ZNF462: variants seen among roughly 807,000 people sequenced by gnomAD.
ZNF462 encodes the protein zinc finger PBX1-interacting protein.
ZNF462 carries 10 observed loss-of-function variants against 201.9 expected under a neutral mutation model. The ratio of observed to expected loss-of-function variants is 0.05; its 90% confidence interval spans 0.03 to 0.08. ZNF462 has a LOEUF of 0.08. Ranked by LOEUF, ZNF462 falls within the 10% of genes least tolerant of loss-of-function variation. ZNF462 has a pLI of 1.00. For missense variants in ZNF462, 2,523 were observed against 3,168.3 expected (o/e 0.80, Z 4.89); for synonymous variants, 1,227 against 1,193.3 (o/e 1.03, Z -0.58).
chr9:106,966,152 A>C lies in ZNF462; in HGVS notation c.6428-5853A>C, dbSNP rs1282074187. On this transcript the variant is annotated intron_variant, in intron 7 of 12. Transcript: ENST00000277225. The surrounding 1 kb of genome is among the most constrained non-coding windows in gnomAD (Gnocchi z 4.4). ...GCTAAATAGTCTGCTTTTCAGAAGA[A>C]AATTACAATCCATGTATTATTTTGA... is the stretch of plus-strand genomic sequence containing the variant. 1.3e-5 allele frequency among the ~76,000 whole-genome samples: 2 copies of C among 152,104 alleles called. No individual in the cohort carries two copies. Among genetic ancestry groups the C allele is most frequent in the Non-Finnish European group, 2.9e-5 (2 of 67,998 alleles).
In ZNF462 at chr9:106,913,980, A is replaced by G. The variant is rs1829660521; in HGVS notation, c.-30-9374A>G. ...ATCAACTGTGCAAAGGTGGATACAA[A>G]GGCCGTATCACTAGGAAAGACAGAC... On this transcript the variant is annotated intron_variant, in intron 1 of 12. Coordinates refer to ENST00000277225, the MANE Select transcript of ZNF462 (RefSeq NM_021224.6). The surrounding 1 kb of genome is among the most constrained non-coding windows in gnomAD (Gnocchi z 4.1). Among the ~76,000 whole-genome samples, 1 of 150,168 alleles carries G rather than the reference A, an allele frequency of 6.7e-6. No individual in the cohort carries two copies. The highest frequency in any genetic ancestry group is 2.4e-5 in the African/African-American group (1 of 41,178).
chr9:106,989,704 T>C (rs891876962), intron 10 of ZNF462, among the ~76,000 whole-genome samples: 6 of 152,120 alleles, frequency 3.9e-5, no homozygotes, highest in Admixed American at 2.6e-4. Context: ...TAAATTACCA[T>C]TTCAATCTCG....
At chr9:106,987,028 GATAGA>G (rs1564154241) in intron 10 of ZNF462, among the ~76,000 whole-genome samples, 40 of 145,714 alleles carry the variant, frequency 2.7e-4, no homozygotes, top group African/African-American at 9.9e-4. Context: ...TAGATAGATA[GATAGA>G]TAGATATCAC....
At chr9:106,861,698 C>T (rs886930564), upstream of ZNF462, among the ~76,000 whole-genome samples, 4 of 152,216 alleles carry the variant, frequency 2.6e-5, no homozygotes, top group Admixed American at 2.6e-4. Flanking sequence ...CCCCAACCCC[C>T]ACCGCTCCCA....
intron 1 of ZNF462, among the ~76,000 whole-genome samples, chr9:106,871,572 AT>A (rs1180933382): frequency 6.6e-6 from 1 of 152,220 alleles, no homozygotes; most frequent in Non-Finnish European, 1.5e-5. Flanking sequence ...AGACCTTGTA[AT>A]TTGGTACCTA....
intron 9 of ZNF462, among the ~76,000 whole-genome samples, chr9:106,980,875 C>T (rs1328471316): frequency 6.6e-6 from 1 of 152,138 alleles, no homozygotes; most frequent in Non-Finnish European, 1.5e-5. Context: ...TGTCACTGCC[C>T]CCATAGAAAA....
rs1316097736 is a variant in ZNF462, at chr9:107,011,485, A to AAAAAAAC, written c.*471_*477dup. 2 of 151,584 alleles carry AAAAAAAC rather than the reference A, an allele frequency of 1.3e-5. No homozygotes were observed. Among genetic ancestry groups the AAAAAAAC allele is most frequent in the Non-Finnish European group, 2.9e-5 (2 of 68,588 alleles). 9.4% of individuals were successfully genotyped at this position (151,584 alleles called of 1,614,324 possible). On this transcript the variant is annotated 3_prime_UTR_variant, in exon 13 of 13. Transcript: ENST00000277225. This position sits in a 1 kb window ranked among gnomAD's most constrained non-coding sequence, Gnocchi z 5.6. ...GACCTAACTGCAGCCGCTTTGGGAA[A>AAAAAAAC]AAAAAACAAAAAACAAAAAACAGAA... is the stretch of plus-strand genomic sequence containing the variant.
chr9:106,867,017 A>G (rs2130788320), intron 1 of ZNF462, among the ~76,000 whole-genome samples: 1 of 152,300 alleles, frequency 6.6e-6, no homozygotes, highest in South Asian at 2.1e-4. Context: ...TTGACTCTCC[A>G]CATTTTTTAC....
In ZNF462 at chr9:107,005,428, A is replaced by G. The variant is rs1049814727; in HGVS notation, c.7189+2002A>G. Among the ~76,000 whole-genome samples, 3 of 152,154 alleles carry G rather than the reference A, an allele frequency of 2.0e-5. No homozygotes were observed. Among genetic ancestry groups the G allele is most frequent in the South Asian group, 4.1e-4 (2 of 4,830 alleles). Reference sequence around the variant, plus strand: ...CGTAACAGGTGTGAAGTGATAGCTCATTGTGGTTTAATTTGCATTTCCCTG... The same window carrying G: ...CGTAACAGGTGTGAAGTGATAGCTCGTTGTGGTTTAATTTGCATTTCCCTG... On this transcript the variant is annotated intron_variant, in intron 11 of 12. Transcript: ENST00000277225. This position sits in a 1 kb window ranked among gnomAD's most constrained non-coding sequence, Gnocchi z 4.4.
At position 106,887,013 on chromosome 9, in the gene ZNF462, A is replaced by G. The variant is rs117586014; in HGVS notation, c.-31+23658A>G. Among the ~76,000 whole-genome samples the G allele has an allele frequency of 2.9e-3, 438 of 152,262 alleles. 1 individual carries two copies. Among genetic ancestry groups the G allele is most frequent in the Non-Finnish European group, 4.5e-3 (307 of 68,006 alleles). ...TTACAGCCTTACTCTTTACCAAAAC[A>G]CTTTCTCCCTTGGTGTTCATGAAGA... is the stretch of plus-strand genomic sequence containing the variant. On this transcript the variant is annotated intron_variant, in intron 1 of 12. Transcript: ENST00000277225.
rs1427294358 is a variant in ZNF462 at position 107,003,993 on chromosome 9, C to T, written c.7189+567C>T. Among the ~76,000 whole-genome samples the T allele has an allele frequency of 2.0e-5, 3 of 152,196 alleles. No homozygotes were observed. In the East Asian group the frequency reaches 5.8e-4, roughly 29 times the overall value. ...TTCAACTATGTATTTACAGAATACA[C>T]TGGGGAAGGTTTTGTGGGACTTTGG... On this transcript the variant is annotated intron_variant, in intron 11 of 12. Transcript: ENST00000277225. This position sits in a 1 kb window ranked among gnomAD's most constrained non-coding sequence, Gnocchi z 4.4.
At chr9:106,931,186 G>A (rs1830408855) in intron 4 of ZNF462, 1 of 153,576 alleles carries the variant, frequency 6.5e-6, no homozygotes, top group South Asian at 2.0e-4. Flanking sequence ...AAAACTAAAA[G>A]CGTTCAAGTC....
Position 106,928,252 on chromosome 9 carries a change from A to T in ZNF462, c.4340A>T (p.Asp1447Val), listed in dbSNP as rs746886161. 7 of 1,613,896 alleles carry T rather than the reference A, an allele frequency of 4.3e-6. No homozygotes were observed. In the African/African-American group the frequency reaches 9.4e-5, roughly 22 times the overall value. ...FPEQEAECPE[D>V]ARLSPEKSLQ... Reference sequence around the variant, plus strand: ...GAGCAGGAAGCTGAATGTCCAGAGGATGCAAGACTGTCCCCTGAGAAAAGC... The same window carrying T: ...GAGCAGGAAGCTGAATGTCCAGAGGTTGCAAGACTGTCCCCTGAGAAAAGC... Residue 1447 changes from aspartate to valine, a missense_variant, in exon 3 of 13, where the codon GAT (aspartate) becomes GTT (valine). Coordinates refer to ENST00000277225, the MANE Select transcript of ZNF462 (RefSeq NM_021224.6). The surrounding 1 kb of genome is among the most constrained non-coding windows in gnomAD (Gnocchi z 9.3).
At chr9:107,004,770 T>C (rs1004640553) in intron 11 of ZNF462, among the ~76,000 whole-genome samples, 1 of 152,150 alleles carries the variant, frequency 6.6e-6, no homozygotes, top group Admixed American at 6.6e-5. Context: ...AGGTATACAA[T>C]ATGTTGTTAT....
Position 106,876,818 on chromosome 9 carries a change from T to C in ZNF462, c.-31+13463T>C, listed in dbSNP as rs143349573. On this transcript the variant is annotated intron_variant, in intron 1 of 12. Coordinates refer to ENST00000277225, the MANE Select transcript of ZNF462 (RefSeq NM_021224.6). The surrounding 1 kb of genome is among the most constrained non-coding windows in gnomAD (Gnocchi z 4.9). ...AAAAATGATATGTCGAAGAAAATTG[T>C]CCTTATTGCAGAGAAAATATTGGCT... Among the ~76,000 whole-genome samples, 212 of 152,328 alleles carry C rather than the reference T, an allele frequency of 1.4e-3. 1 individual carries two copies. Among genetic ancestry groups the C allele is most frequent in the Non-Finnish European group, 1.8e-3 (120 of 68,032 alleles).
At position 106,925,003 on chromosome 9, in the gene ZNF462, G is replaced by C. The variant is rs768883490; in HGVS notation, c.1091G>C (p.Arg364Pro). Reference sequence around the variant, plus strand: ...CTAGTTAACTTGACAGAGAGATCCCGTTATGGAATGACTGACATGACCAAT... The same window carrying C: ...CTAGTTAACTTGACAGAGAGATCCCCTTATGGAATGACTGACATGACCAAT... ...SGLVNLTERS[R>P]YGMTDMTNSS... The change falls in exon 3 of 13, where the codon CGT (arginine) becomes CCT (proline). Residue 364 changes from arginine (R) to proline (P), a missense_variant. Physicochemically the swap from Arg to Pro is moderately radical, Grantham distance 103 (BLOSUM62 -2). Coordinates refer to ENST00000277225, the MANE Select transcript of ZNF462 (RefSeq NM_021224.6). The surrounding 1 kb of genome is among the most constrained non-coding windows in gnomAD (Gnocchi z 7.9). 13 of 1,614,136 alleles carry C rather than the reference G, an allele frequency of 8.1e-6. No individual in the cohort carries two copies. Among genetic ancestry groups the C allele is most frequent in the East Asian group, 2.2e-5 (1 of 44,882 alleles).
At chr9:106,912,099 G>A (rs986647137) in intron 1 of ZNF462, among the ~76,000 whole-genome samples, 2 of 152,034 alleles carry the variant, frequency 1.3e-5, no homozygotes, top group African/African-American at 2.4e-5. Flanking sequence ...TACATGAACC[G>A]ACCCTGCTAT....
Position 106,938,820 on chromosome 9 carries a change from T to C in ZNF462, c.6236-96T>C. ...ACATGAAGCTTGAGATGCGCTTCTC[T>C]AGCATGAGTTAACTGAGTTATCTTG... On this transcript the variant is annotated intron_variant, in intron 6 of 12. Coordinates refer to ENST00000277225, the MANE Select transcript of ZNF462 (RefSeq NM_021224.6). The surrounding 1 kb of genome is among the most constrained non-coding windows in gnomAD (Gnocchi z 4.4). 1 of 1,286,252 alleles carries C rather than the reference T, an allele frequency of 7.8e-7. No individual in the cohort carries two copies. Among genetic ancestry groups the C allele is most frequent in the Non-Finnish European group, 1.1e-6 (1 of 939,576 alleles). 79.7% of individuals were successfully genotyped at this position (1,286,252 alleles called of 1,614,324 possible).
At position 106,926,087 on chromosome 9, in the gene ZNF462, G is replaced by A; in HGVS notation, c.2175G>A (p.Glu725=). 3 of 1,614,194 alleles carry A rather than the reference G, an allele frequency of 1.9e-6. No homozygotes were observed. The highest frequency in any genetic ancestry group is 2.5e-6 in the Non-Finnish European group (3 of 1,180,036). Residue 725 remains glutamate (E), a synonymous_variant, in exon 3 of 13, where the codon GAG becomes GAA. Coordinates refer to ENST00000277225, the MANE Select transcript of ZNF462 (RefSeq NM_021224.6). This position sits in a 1 kb window ranked among gnomAD's most constrained non-coding sequence, Gnocchi z 7.9. Reference sequence around the variant, plus strand: ...TGATCAATGTTGAGGATGATGAAGAGGAAGAGGAAGACAACGAAGTCGAGA... The same window carrying A: ...TGATCAATGTTGAGGATGATGAAGAAGAAGAGGAAGACAACGAAGTCGAGA... ...DAVINVEDDE[E]EEEDNEVEIE...
Sources: allele counts gnomAD v4.1 joint callset (sites outside exome capture counted in the v4.1 genomes callset), GRCh38; gene constraint gnomAD v4.1.1; non-coding constraint Gnocchi (gnomAD v3.1); transcripts MANE v1.5; gene names NCBI Gene and HGNC (gene_info 2026-07-23, HGNC 2026-07-21).